CFAP54: variants seen among roughly 807,000 people sequenced by gnomAD.
CFAP54 encodes cilia and flagella associated protein 54.
In CFAP54, 290 loss-of-function variants were observed where a neutral mutation model predicts 370.4. That is an observed-to-expected ratio of 0.78 (90% CI 0.71 to 0.86). CFAP54 has a LOEUF of 0.86. Among genes scored for constraint, CFAP54 ranks in the 40% least tolerant of loss-of-function variants. The pLI is 0.00. For missense variants in CFAP54, 3,399 were observed against 3,528.7 expected, an observed-to-expected ratio of 0.96 and a Z score of 0.93; for synonymous variants, 1,206 against 1,236.5, an observed-to-expected ratio of 0.98 and a Z score of 0.52.
At position 96,658,235 on chromosome 12, in the gene CFAP54, A is replaced by T; in HGVS notation, c.5349A>T (p.Thr1783=). The change falls in exon 38 of 68, where the codon ACA becomes ACT. Residue 1783 remains threonine, a synonymous_variant. Transcript: ENST00000524981. ...GTGAGAGGTATACAGAACAAGTGAC[A>T]CCACTTCTGGTGTATGCACAGCGCC... The part of the protein sequence containing the change: ...VSHERYTEQV[T]PLLVYAQRQL... 6.2e-7 allele frequency: 1 copy of T among 1,614,136 alleles called. No individual in the cohort carries two copies. Among genetic ancestry groups the T allele is most frequent in the Non-Finnish European group, 8.5e-7 (1 of 1,179,986 alleles).
chr12:96,602,916 C>T (rs996859951), intron 26 of CFAP54, among the ~76,000 whole-genome samples: 14 of 152,126 alleles, frequency 9.2e-5, no homozygotes, highest in African/African-American at 3.1e-4. Flanking sequence ...ATCCAATTTG[C>T]CAGTCTGTGT....
intron 6 of CFAP54, 76 bp from the exon 7 acceptor site, chr12:96,521,781 G>T: frequency 9.0e-7 from 1 of 1,116,684 alleles, no homozygotes; most frequent in South Asian, 1.6e-5. Context: ...ATGCCTGGGA[G>T]AACAAAACAT....
At chr12:96,691,424 ACT>A in intron 44 of CFAP54, 114 bp downstream of exon 44, 3 of 648,756 alleles carry the variant, frequency 4.6e-6, no homozygotes, top group Non-Finnish European at 7.5e-6. Context: ...TAACTTTTAA[ACT>A]CTATATATGT....
intron 67 of CFAP54, among the ~76,000 whole-genome samples, chr12:96,872,857 C>G (rs1283317815): frequency 2.0e-5 from 3 of 152,156 alleles, no homozygotes; most frequent in Non-Finnish European, 4.4e-5. Context: ...AGTGCAAAAT[C>G]TGGGACTATC....
At chr12:96,676,585 G>A (rs986986623) in intron 39 of CFAP54, among the ~76,000 whole-genome samples, 6 of 151,986 alleles carry the variant, frequency 3.9e-5, no homozygotes, top group South Asian at 2.1e-4. Flanking sequence ...TCATTCCGTC[G>A]CTCAGGCTGG....
At chr12:96,669,897 A>G (rs1289405249) in intron 39 of CFAP54, among the ~76,000 whole-genome samples, 1 of 152,210 alleles carries the variant, frequency 6.6e-6, no homozygotes, top group Non-Finnish European at 1.5e-5. Context: ...TACATGGAGC[A>G]TAAACTTGAG....
chr12:96,820,506 A>G (rs1004917533), intron 65 of CFAP54, among the ~76,000 whole-genome samples: 2 of 152,142 alleles, frequency 1.3e-5, no homozygotes, highest in Admixed American at 1.3e-4. Context: ...AAGTACAGTT[A>G]GCCTTTGCAA....
At chr12:96,753,688 G>A in intron 55 of CFAP54, 55 bp from the exon 56 acceptor site, 1 of 1,563,942 alleles carries the variant, frequency 6.4e-7, no homozygotes, top group Non-Finnish European at 8.8e-7. Context: ...TTGGAGGCTT[G>A]TTATAAACAC....
intron 4 of CFAP54, among the ~76,000 whole-genome samples, chr12:96,508,703 ATTCTGT>A (rs1955134375): frequency 8.2e-6 from 1 of 121,962 alleles, no homozygotes; most frequent in Non-Finnish European, 1.8e-5. Context: ...TCTAGATTTT[ATTCTGT>A]TTCCTTTTTT....
At chr12:96,818,252 A>G (rs940930706) in intron 65 of CFAP54, among the ~76,000 whole-genome samples, 1 of 152,214 alleles carries the variant, frequency 6.6e-6, no homozygotes, top group Admixed American at 6.5e-5. Context: ...AAACACTTTT[A>G]TTTCCCAAAT....
At chr12:96,623,745 G>T in intron 27 of CFAP54, 22 bp from the exon 28 acceptor site, 1 of 1,238,750 alleles carries the variant, frequency 8.1e-7, no homozygotes, top group South Asian at 1.3e-5. Flanking sequence ...AGTACATTTT[G>T]ACGTTTAACC....
chr12:96,702,089 G>A (rs1479147771), intron 46 of CFAP54, among the ~76,000 whole-genome samples: 2 of 152,148 alleles, frequency 1.3e-5, no homozygotes, highest in Non-Finnish European at 2.9e-5. Flanking sequence ...GGTACAGCCA[G>A]CTGCATTTGC....
chr12:96,747,264 T>A lies in CFAP54; in HGVS notation c.7684+3118T>A, dbSNP rs187588030. Among the ~76,000 whole-genome samples, 6 of 152,322 alleles carry A rather than the reference T, an allele frequency of 3.9e-5. No homozygotes were observed. The East Asian group carries it at 1.2e-3, about 29-fold the overall frequency. ...AAGGTGTTCGCACTACATTGGAACATATATAACACAACATTACAAAATATT... is the reference window on the plus strand; with the variant it reads ...AAGGTGTTCGCACTACATTGGAACAAATATAACACAACATTACAAAATATT... On this transcript the variant is annotated intron_variant, in intron 55 of 67. Transcript: ENST00000524981.
chr12:96,499,672 G>A (rs780930527), intron 1 of CFAP54, among the ~76,000 whole-genome samples: 32 of 152,086 alleles, frequency 2.1e-4, no homozygotes, highest in Non-Finnish European at 3.8e-4. Context: ...CGGGCTGGGA[G>A]CGGTGGCTCA....
chr12:96,629,694 T>A (rs187344933), intron 30 of CFAP54, among the ~76,000 whole-genome samples: 1 of 152,138 alleles, frequency 6.6e-6, no homozygotes, highest in Admixed American at 6.6e-5. Context: ...TTTTTTATTA[T>A]TATAAACAGT....
intron 60 of CFAP54, among the ~76,000 whole-genome samples, chr12:96,766,323 G>A (rs531298273): frequency 4.0e-5 from 6 of 151,880 alleles, no homozygotes; most frequent in East Asian, 1.9e-4. Context: ...TTGCTTTATT[G>A]GCTTTCTGAG....
chr12:96,748,607 C>T (rs1958146273), intron 55 of CFAP54, among the ~76,000 whole-genome samples: 1 of 152,148 alleles, frequency 6.6e-6, no homozygotes, highest in African/African-American at 2.4e-5. Context: ...TGATGTGCTC[C>T]CAGCTCAGTA....
At chr12:96,795,463 T>C in intron 63 of CFAP54, among the ~76,000 whole-genome samples, 1 of 151,980 alleles carries the variant, frequency 6.6e-6, no homozygotes, top group South Asian at 2.1e-4. Flanking sequence ...CTGTGGCTGC[T>C]GTGGGAGATG....
chr12:96,836,076 A>G (rs1959185262), intron 66 of CFAP54, among the ~76,000 whole-genome samples: 1 of 152,138 alleles, frequency 6.6e-6, no homozygotes, highest in East Asian at 1.9e-4. Context: ...CAGAGGAAAA[A>G]CACCTCTTTT....
Sources: gnomAD v4.1 joint callset for allele counts (sites outside exome capture counted in the v4.1 genomes callset) on GRCh38, gnomAD v4.1.1 for gene constraint, MANE v1.5 for transcripts, NCBI Gene and HGNC (gene_info 2026-07-23, HGNC 2026-07-21) for gene names.